LRRTM4: variants seen among roughly 807,000 people sequenced by gnomAD.
LRRTM4 encodes the protein leucine rich repeat transmembrane neuronal 4.
A neutral mutation model predicts 47.6 loss-of-function variants in LRRTM4; 25 were observed. That is an observed-to-expected ratio of 0.53 (90% CI 0.38 to 0.73). The LOEUF is 0.73. Ranked by LOEUF, LRRTM4 falls within the 30% of genes least tolerant of loss-of-function variation. The pLI is 0.00. For missense variants in LRRTM4, 638 were observed against 713.4 expected, an observed-to-expected ratio of 0.89 and a Z score of 1.20; for synonymous variants, 311 against 269.5, an observed-to-expected ratio of 1.15 and a Z score of -1.51.
At chr2:76,812,726 T>A (rs1315119675) in intron 3 of LRRTM4, among the ~76,000 whole-genome samples, 3 of 138,348 alleles carry the variant, frequency 2.2e-5, no homozygotes, top group Non-Finnish European at 4.6e-5. Context: ...TTCTTTCTCT[T>A]TTTCTCCTCC....
chr2:77,104,329 G>A (rs72807251), intron 3 of LRRTM4, among the ~76,000 whole-genome samples: 7,176 of 151,972 alleles, frequency 0.047, 348 homozygotes, highest in African/African-American at 0.12. Flanking sequence ...TCTGTCCCTC[G>A]TCAATTCACT....
At chr2:77,200,961 G>A (rs1673957433) in intron 3 of LRRTM4, among the ~76,000 whole-genome samples, 1 of 152,084 alleles carries the variant, frequency 6.6e-6, no homozygotes, top group African/African-American at 2.4e-5. Flanking sequence ...TGTGTGCCTA[G>A]AATAGAAAAC....
chr2:76,929,986 TCTTA>T (rs1674717364), intron 3 of LRRTM4, among the ~76,000 whole-genome samples: 1 of 151,858 alleles, frequency 6.6e-6, no homozygotes, highest in Admixed American at 6.6e-5. Flanking sequence ...TAGAATACTT[TCTTA>T]GAGTGAAATC....
chr2:77,336,804 A>G (rs1482899752), intron 3 of LRRTM4, among the ~76,000 whole-genome samples: 7 of 152,138 alleles, frequency 4.6e-5, no homozygotes, highest in Admixed American at 3.9e-4. Flanking sequence ...TAATGAGTGG[A>G]ACAAGAGAAG....
At chr2:77,262,698 T>C (rs2104045181) in intron 3 of LRRTM4, among the ~76,000 whole-genome samples, 1 of 152,170 alleles carries the variant, frequency 6.6e-6, no homozygotes, top group East Asian at 1.9e-4. Context: ...CATGGTTAAC[T>C]CATGGTTAAT....
intron 3 of LRRTM4, among the ~76,000 whole-genome samples, chr2:76,963,714 G>A (rs892051718): frequency 6.6e-6 from 1 of 150,768 alleles, no homozygotes; most frequent in South Asian, 2.1e-4. Flanking sequence ...ACATATTACA[G>A]GGACATTCTC....
chr2:77,513,053 A>G (rs758539493), intron 3 of LRRTM4, among the ~76,000 whole-genome samples: 1 of 152,172 alleles, frequency 6.6e-6, no homozygotes, highest in African/African-American at 2.4e-5. Context: ...CAGACAATCG[A>G]TTTTTTAAAA....
chr2:77,055,282 G>C (rs1303920213), intron 3 of LRRTM4, among the ~76,000 whole-genome samples: 1 of 152,180 alleles, frequency 6.6e-6, no homozygotes, highest in Non-Finnish European at 1.5e-5. Context: ...CTGGGTCTTT[G>C]ATTCTCAGGA....
chr2:77,502,868 G>T (rs1678625844), intron 3 of LRRTM4, among the ~76,000 whole-genome samples: 1 of 151,530 alleles, frequency 6.6e-6, no homozygotes, highest in Non-Finnish European at 1.5e-5. Flanking sequence ...TTATATGGAG[G>T]TGAATAGTAA....
At chr2:77,128,135 T>A (rs562911328) in intron 3 of LRRTM4, among the ~76,000 whole-genome samples, 8 of 115,498 alleles carry the variant, frequency 6.9e-5, no homozygotes, top group African/African-American at 3.5e-4. Flanking sequence ...AGAGCGAGAC[T>A]CTGTCTCAAA....
intron 3 of LRRTM4, among the ~76,000 whole-genome samples, chr2:76,889,486 T>C (rs1020024798): frequency 2.6e-5 from 4 of 151,966 alleles, no homozygotes; most frequent in African/African-American, 9.7e-5. Context: ...TTCACAACTC[T>C]TCAAGATTAT....
chr2:77,377,955 G>A (rs951959731), intron 3 of LRRTM4, among the ~76,000 whole-genome samples: 5 of 151,776 alleles, frequency 3.3e-5, no homozygotes, highest in Non-Finnish European at 7.4e-5. Flanking sequence ...TTTCTTTAAT[G>A]TCTGTATTCC....
intron 3 of LRRTM4, among the ~76,000 whole-genome samples, chr2:76,806,250 A>G (rs1267160048): frequency 6.6e-6 from 1 of 152,184 alleles, no homozygotes. Flanking sequence ...TAAAATTAGA[A>G]GATGTCATTT....
chr2:77,351,260 G>A (rs1671759592), intron 3 of LRRTM4, among the ~76,000 whole-genome samples: 1 of 150,516 alleles, frequency 6.6e-6, no homozygotes, highest in Admixed American at 6.6e-5. Context: ...ATAGCTCACT[G>A]TGAAATAAAG....
At chr2:77,363,736 T>C (rs994741014) in intron 3 of LRRTM4, among the ~76,000 whole-genome samples, 1 of 152,212 alleles carries the variant, frequency 6.6e-6, no homozygotes, top group Non-Finnish European at 1.5e-5. Flanking sequence ...CCTTAAATAA[T>C]TGATTCCCTA....
intron 3 of LRRTM4, among the ~76,000 whole-genome samples, chr2:76,986,200 C>G (rs1487955614): frequency 6.7e-6 from 1 of 150,042 alleles, no homozygotes; most frequent in Non-Finnish European, 1.5e-5. Flanking sequence ...CATTGTTTGA[C>G]TTGAACTTCT....
intron 3 of LRRTM4, among the ~76,000 whole-genome samples, chr2:77,444,971 G>T (rs1344383998): frequency 1.2e-4 from 10 of 85,306 alleles, no homozygotes; most frequent in African/African-American, 4.3e-4. Context: ...ACACACACAC[G>T]ATCCGGAAAA....
At chr2:77,092,684 T>G (rs932090897) in intron 3 of LRRTM4, among the ~76,000 whole-genome samples, 1 of 142,660 alleles carries the variant, frequency 7.0e-6, no homozygotes, top group Non-Finnish European at 1.5e-5. Flanking sequence ...GTACAGGCCT[T>G]TCCTACAGGG....
chr2:77,211,046 G>C (rs1674279233), intron 3 of LRRTM4, among the ~76,000 whole-genome samples: 1 of 152,072 alleles, frequency 6.6e-6, no homozygotes, highest in African/African-American at 2.4e-5. Flanking sequence ...TGGTGTTCAA[G>C]GCCCATCCAG....
Sources: gnomAD v4.1 joint callset for allele counts (sites outside exome capture counted in the v4.1 genomes callset) on GRCh38, gnomAD v4.1.1 for gene constraint, MANE v1.5 for transcripts, NCBI Gene and HGNC (gene_info 2026-07-23, HGNC 2026-07-21) for gene names.